RBFOX1: variants seen among roughly 807,000 people sequenced by gnomAD.
The protein encoded by RBFOX1 is RNA binding protein fox-1 homolog 1.
In RBFOX1, 8 loss-of-function variants were observed where a neutral mutation model predicts 57.7. That is an observed-to-expected ratio of 0.14 (90% confidence interval 0.08 to 0.25). RBFOX1 has a LOEUF of 0.25. Among genes scored for constraint, RBFOX1 ranks in the 10% least tolerant of loss-of-function variants. The pLI, the probability that RBFOX1 is intolerant of heterozygous loss-of-function variation, is 1.00. For missense variants in RBFOX1, 611 were observed against 548.5 expected, an observed-to-expected ratio of 1.11 and a Z score of -1.14; for synonymous variants, 326 against 222.4, an observed-to-expected ratio of 1.47 and a Z score of -4.15.
At chr16:5,738,852 C>T (rs567842332) in intron 3 of RBFOX1, among the ~76,000 whole-genome samples, 1 of 152,190 alleles carries the variant, frequency 6.6e-6, no homozygotes, top group South Asian at 2.1e-4. Flanking sequence ...CTCATCTAAA[C>T]CTTAGCTAGA....
At chr16:5,558,691 G>A (rs924901073) in intron 2 of RBFOX1, among the ~76,000 whole-genome samples, 2 of 152,126 alleles carry the variant, frequency 1.3e-5, no homozygotes, top group African/African-American at 4.8e-5. Flanking sequence ...AGTCTTGTGT[G>A]GGGTGGGACC....
intron 4 of RBFOX1, among the ~76,000 whole-genome samples, chr16:7,188,172 C>G (rs889034932): frequency 2.0e-5 from 3 of 152,096 alleles, no homozygotes; most frequent in Non-Finnish European, 4.4e-5. Flanking sequence ...GGAAAGAAAA[C>G]CAGAGGTATA....
At chr16:6,276,616 T>G (rs925217072) in intron 1 of RBFOX1, among the ~76,000 whole-genome samples, 1 of 152,194 alleles carries the variant, frequency 6.6e-6, no homozygotes, top group Non-Finnish European at 1.5e-5. Flanking sequence ...GTGCTGGGAT[T>G]ACAGGCATGA....
At chr16:7,220,121 A>C (rs750315073) in intron 4 of RBFOX1, among the ~76,000 whole-genome samples, 4 of 152,206 alleles carry the variant, frequency 2.6e-5, no homozygotes, top group African/African-American at 7.2e-5. Context: ...ACCATATTCA[A>C]CAATTGTCCT....
intron 4 of RBFOX1, among the ~76,000 whole-genome samples, chr16:7,158,071 G>A (rs2077506493): frequency 6.6e-6 from 1 of 152,128 alleles, no homozygotes; most frequent in Non-Finnish European, 1.5e-5. Flanking sequence ...AGGGTTGGCT[G>A]GGCGCGGTAG....
chr16:5,616,781 C>G (rs1596471612), intron 3 of RBFOX1, among the ~76,000 whole-genome samples: 1 of 147,176 alleles, frequency 6.8e-6, no homozygotes, highest in African/African-American at 2.5e-5. Context: ...CCCTATTTTC[C>G]TCCTCTTTCT....
intron 4 of RBFOX1, among the ~76,000 whole-genome samples, chr16:7,202,988 G>T (rs551632132): frequency 1.3e-5 from 2 of 152,070 alleles, no homozygotes; most frequent in Admixed American, 6.6e-5. Context: ...GGATTTCACC[G>T]TGTGAGCCAG....
At chr16:5,495,891 C>T (rs181953286) in intron 2 of RBFOX1, among the ~76,000 whole-genome samples, 104 of 152,246 alleles carry the variant, frequency 6.8e-4, no homozygotes, top group African/African-American at 2.4e-3. Context: ...TGTGGGAGGC[C>T]GAGGCGGGCA....
chr16:6,076,048 C>T (rs181211927), intron 1 of RBFOX1, among the ~76,000 whole-genome samples: 17 of 152,278 alleles, frequency 1.1e-4, no homozygotes, highest in African/African-American at 3.9e-4. Context: ...CCTGTAATGT[C>T]AGCACTTTGG....
chr16:7,284,513 T>C (rs1390877305), intron 4 of RBFOX1, among the ~76,000 whole-genome samples: 2 of 152,092 alleles, frequency 1.3e-5, no homozygotes, highest in African/African-American at 2.4e-5. Context: ...TAACTTCTTG[T>C]AGAGATGAGG....
intron 4 of RBFOX1, among the ~76,000 whole-genome samples, chr16:7,259,044 G>C (rs1436554792): frequency 6.6e-6 from 1 of 152,078 alleles, no homozygotes. Context: ...GTCTACCTTT[G>C]AGAAAACTAG....
intron 2 of RBFOX1, among the ~76,000 whole-genome samples, chr16:5,595,472 C>A (rs193110516): frequency 4.6e-5 from 7 of 152,294 alleles, no homozygotes; most frequent in Admixed American, 3.3e-4. Context: ...GCAGAACTTG[C>A]AGGGAAGAGA....
intron 3 of RBFOX1, among the ~76,000 whole-genome samples, chr16:6,805,198 A>G (rs1284276946): frequency 1.3e-5 from 2 of 152,220 alleles, no homozygotes; most frequent in Non-Finnish European, 2.9e-5. Flanking sequence ...ACACCATGGA[A>G]TACTATGCAG....
intron 3 of RBFOX1, among the ~76,000 whole-genome samples, chr16:6,898,974 G>A (rs1473855306): frequency 6.6e-6 from 1 of 150,876 alleles, no homozygotes. Flanking sequence ...TGTGTATGAT[G>A]TGTGTATGTG....
chr16:7,295,704 G>A (rs760145681), intron 4 of RBFOX1, among the ~76,000 whole-genome samples: 64 of 152,060 alleles, frequency 4.2e-4, no homozygotes, highest in Non-Finnish European at 6.8e-4. Context: ...CAGTCTCGCT[G>A]TTTGTGTTTG....
intron 1 of RBFOX1, among the ~76,000 whole-genome samples, chr16:5,321,807 C>T (rs775222253): frequency 2.6e-5 from 4 of 152,116 alleles, no homozygotes; most frequent in Non-Finnish European, 4.4e-5. Flanking sequence ...GTCTGTGACT[C>T]TCATGACGAC....
intron 5 of RBFOX1, among the ~76,000 whole-genome samples, chr16:7,560,673 G>A (rs1021680110): frequency 3.3e-5 from 5 of 152,062 alleles, no homozygotes; most frequent in Non-Finnish European, 7.3e-5. Flanking sequence ...TTCAGAAAGG[G>A]CGAGTGACTT....
intron 3 of RBFOX1, among the ~76,000 whole-genome samples, chr16:6,820,225 C>G (rs189897906): frequency 6.6e-6 from 1 of 152,200 alleles, no homozygotes; most frequent in African/African-American, 2.4e-5. Flanking sequence ...CCATGTGCAA[C>G]TGTGAGTCGA....
intron 4 of RBFOX1, among the ~76,000 whole-genome samples, chr16:5,966,578 C>A (rs112693074): frequency 0.024 from 3,629 of 152,280 alleles, 75 homozygotes; most frequent in Non-Finnish European, 0.038. Flanking sequence ...CCTCAGCCTC[C>A]CAAGTAGCTG....
Sources: gnomAD v4.1 joint callset for allele counts (sites outside exome capture counted in the v4.1 genomes callset) on GRCh38, gnomAD v4.1.1 for gene constraint, MANE v1.5 for transcripts, NCBI Gene and HGNC (gene_info 2026-07-23, HGNC 2026-07-21) for gene names.